SUGCT: variants seen among roughly 807,000 people sequenced by gnomAD.
The protein encoded by SUGCT is succinyl-CoA:glutarate-CoA transferase.
In SUGCT, 41 loss-of-function variants were observed where a neutral mutation model predicts 55.0. That is an observed-to-expected ratio of 0.74 (90% CI 0.58 to 0.97). The LOEUF (loss-of-function observed/expected upper bound fraction) is 0.97. Ranked by LOEUF, SUGCT falls within the 50% of genes least tolerant of loss-of-function variation. SUGCT has a pLI of 0.00. For missense variants in SUGCT, 568 were observed against 547.8 expected (o/e 1.04, Z -0.37); for synonymous variants, 187 against 200.4 (o/e 0.93, Z 0.56).
chr7:40,733,162 C>A (rs541943435), intron 12 of SUGCT, among the ~76,000 whole-genome samples: 2 of 152,330 alleles, frequency 1.3e-5, no homozygotes, highest in South Asian at 4.1e-4. Context: ...CCTGACTGGA[C>A]TCATGTCACT....
At chr7:40,950,956 G>A in the SUGCT span, among the ~76,000 whole-genome samples, 2 of 149,252 alleles carry the variant, frequency 1.3e-5, no homozygotes, top group African/African-American at 4.9e-5. Context: ...TTTGGTATCA[G>A]GATGATGCTG....
intron 9 of SUGCT, among the ~76,000 whole-genome samples, chr7:40,407,659 A>T (rs914817566): frequency 6.6e-6 from 1 of 151,922 alleles, no homozygotes; most frequent in Admixed American, 6.6e-5. Context: ...CTATTTTGGC[A>T]CTCCTCTGCA....
chr7:40,775,912 C>CTTTTCCT (rs1789424600), intron 13 of SUGCT, among the ~76,000 whole-genome samples: 1 of 152,138 alleles, frequency 6.6e-6, no homozygotes, highest in Admixed American at 6.6e-5. Context: ...TACTTTAGTT[C>CTTTTCCT]TTTTCCTTTT....
intron 12 of SUGCT, among the ~76,000 whole-genome samples, chr7:40,502,153 A>G (rs1217090959): frequency 6.6e-6 from 1 of 152,028 alleles, no homozygotes; most frequent in Non-Finnish European, 1.5e-5. Flanking sequence ...CTCTTTCTCT[A>G]GCATGTGCTA....
At chr7:40,867,318 C>CATAT in the SUGCT span, among the ~76,000 whole-genome samples, 25 of 149,060 alleles carry the variant, frequency 1.7e-4, no homozygotes, top group Non-Finnish European at 3.1e-4. Flanking sequence ...AATATTGGAG[C>CATAT]ATATATATAT....
chr7:40,970,846 G>A, the SUGCT span, among the ~76,000 whole-genome samples: 1 of 152,096 alleles, frequency 6.6e-6, no homozygotes, highest in Non-Finnish European at 1.5e-5. Flanking sequence ...GGGGGACAAG[G>A]AGAAAGTTTA....
intron 13 of SUGCT, among the ~76,000 whole-genome samples, chr7:40,813,438 A>G (rs190662038): frequency 8.3e-4 from 126 of 152,232 alleles, no homozygotes; most frequent in Non-Finnish European, 2.9e-5. Flanking sequence ...CTTCTTATAG[A>G]ATTGAACTCT....
At chr7:40,642,143 C>A (rs1369411796) in intron 12 of SUGCT, among the ~76,000 whole-genome samples, 1 of 152,122 alleles carries the variant, frequency 6.6e-6, no homozygotes, top group Non-Finnish European at 1.5e-5. Context: ...ATCTGAATTC[C>A]CCTGACACTC....
At chr7:40,424,094 G>A (rs1342006023) in intron 9 of SUGCT, among the ~76,000 whole-genome samples, 1 of 152,016 alleles carries the variant, frequency 6.6e-6, no homozygotes, top group Non-Finnish European at 1.5e-5. Flanking sequence ...TACATTTTAA[G>A]GCATACTCTG....
At chr7:40,695,673 A>G (rs1238851818) in intron 12 of SUGCT, among the ~76,000 whole-genome samples, 7 of 152,132 alleles carry the variant, frequency 4.6e-5, no homozygotes, top group Non-Finnish European at 1.0e-4. Context: ...GACAGGTACA[A>G]TTATTAGTAT....
chr7:40,228,239 T>C (rs936056625), intron 6 of SUGCT, among the ~76,000 whole-genome samples: 1 of 152,158 alleles, frequency 6.6e-6, no homozygotes, highest in East Asian at 1.9e-4. Flanking sequence ...TACAGTTGTT[T>C]TTCAGATTTT....
At chr7:40,202,519 A>C (rs1786669633) in intron 6 of SUGCT, among the ~76,000 whole-genome samples, 1 of 151,994 alleles carries the variant, frequency 6.6e-6, no homozygotes, top group Admixed American at 6.5e-5. Flanking sequence ...CAGTTTCTTC[A>C]TTATCCATCT....
At chr7:40,251,840 A>G (rs1411829195) in intron 7 of SUGCT, among the ~76,000 whole-genome samples, 2 of 151,754 alleles carry the variant, frequency 1.3e-5, no homozygotes, top group African/African-American at 2.4e-5. Context: ...CAGCACTTCA[A>G]TCTTTTGCTT....
At chr7:40,410,735 G>GT (rs1786628070) in intron 9 of SUGCT, among the ~76,000 whole-genome samples, 2 of 152,094 alleles carry the variant, frequency 1.3e-5, no homozygotes, top group South Asian at 4.1e-4. Context: ...ATATCATTCT[G>GT]TTGTGTTTAC....
At chr7:40,368,892 T>A (rs1460970305) in intron 9 of SUGCT, among the ~76,000 whole-genome samples, 1 of 151,904 alleles carries the variant, frequency 6.6e-6, no homozygotes, top group Admixed American at 6.6e-5. Flanking sequence ...TCACCTGAGG[T>A]CAGGAGTTCG....
intron 12 of SUGCT, among the ~76,000 whole-genome samples, chr7:40,688,448 G>A (rs996017591): frequency 1.3e-5 from 2 of 152,006 alleles, no homozygotes; most frequent in African/African-American, 2.4e-5. Flanking sequence ...TATATTTGTC[G>A]CTAAGATACC....
At chr7:40,554,983 A>G (rs117955405) in intron 12 of SUGCT, among the ~76,000 whole-genome samples, 3,444 of 152,328 alleles carry the variant, frequency 0.023, 54 homozygotes, top group Non-Finnish European at 0.036. Context: ...ATCCTGGCCC[A>G]TGAAACTGCT....
intron 12 of SUGCT, among the ~76,000 whole-genome samples, chr7:40,626,511 C>CA (rs1333430060): frequency 6.6e-6 from 1 of 151,996 alleles, no homozygotes; most frequent in East Asian, 1.9e-4. Context: ...CTCAGCCTCT[C>CA]AAAGTGCTGG....
intron 3 of SUGCT, among the ~76,000 whole-genome samples, chr7:40,188,074 C>T (rs1201882900): frequency 6.6e-6 from 1 of 151,844 alleles, no homozygotes; most frequent in Non-Finnish European, 1.5e-5. Context: ...ATTGATGGTA[C>T]AGTGAAATTA....
Sources: allele counts gnomAD v4.1 joint callset (sites outside exome capture counted in the v4.1 genomes callset), GRCh38; gene constraint gnomAD v4.1.1; transcripts MANE v1.5; gene names NCBI Gene and HGNC (gene_info 2026-07-23, HGNC 2026-07-21).